Variants in NRG1 observed in about 807,000 individuals in gnomAD.
NRG1 encodes pro-neuregulin-1, membrane-bound isoform.
Under a neutral mutation model 63.8 loss-of-function variants are expected in NRG1, and 18 were observed. The observed-to-expected ratio is 0.28, with a 90% confidence interval of 0.19 to 0.42. NRG1 has a LOEUF of 0.42. Among genes scored for constraint, NRG1 ranks in the 10% least tolerant of loss-of-function variants. The pLI is 1.00. For synonymous variants in NRG1, 302 were observed against 301.3 expected (o/e 1.00, Z -0.02); for missense variants, 762 against 814.7 (o/e 0.94, Z 0.79).
intron 1 of NRG1, among the ~76,000 whole-genome samples, chr8:32,372,707 G>C (rs1809071992): frequency 6.6e-6 from 1 of 152,180 alleles, no homozygotes; most frequent in Non-Finnish European, 1.5e-5. Context: ...GGAGAAGTCA[G>C]CCCTCCCAAC....
At chr8:31,984,545 G>T (rs1389017068) in intron 1 of NRG1, among the ~76,000 whole-genome samples, 1 of 152,074 alleles carries the variant, frequency 6.6e-6, no homozygotes, top group African/African-American at 2.4e-5. Context: ...ATGAGGAACT[G>T]CTAGGTTAGA....
At chr8:32,291,533 C>CTTTTTTTTTT (rs757839225) in intron 1 of NRG1, among the ~76,000 whole-genome samples, 2 of 98,038 alleles carry the variant, frequency 2.0e-5, no homozygotes, top group African/African-American at 7.9e-5. Context: ...TTTTTATCCA[C>CTTTTTTTTTT]TTTTTTTTTT....
intron 1 of NRG1, among the ~76,000 whole-genome samples, chr8:31,649,933 CT>C (rs1237364120): frequency 3.3e-5 from 5 of 152,286 alleles, no homozygotes; most frequent in African/African-American, 1.2e-4. Flanking sequence ...CCCCAATCCC[CT>C]TCTAATCAGT....
chr8:32,065,555 T>C (rs942630442), intron 1 of NRG1, among the ~76,000 whole-genome samples: 4 of 152,242 alleles, frequency 2.6e-5, no homozygotes, highest in Non-Finnish European at 5.9e-5. Flanking sequence ...ATGGTGTATA[T>C]ATGCCACATT....
chr8:31,693,475 C>T (rs1809738399), intron 1 of NRG1, among the ~76,000 whole-genome samples: 1 of 149,618 alleles, frequency 6.7e-6, no homozygotes, highest in Non-Finnish European at 1.5e-5. Context: ...CCTCGTTTTA[C>T]AGTTATTTCT....
At chr8:32,367,226 AGTGGTT>A (rs1808187894) in intron 1 of NRG1, among the ~76,000 whole-genome samples, 1 of 152,180 alleles carries the variant, frequency 6.6e-6, no homozygotes, top group Non-Finnish European at 1.5e-5. Flanking sequence ...TATTTTCTAC[AGTGGTT>A]GTACTAATTT....
chr8:32,452,401 A>C (rs1222476417), intron 1 of NRG1, among the ~76,000 whole-genome samples: 1 of 152,166 alleles, frequency 6.6e-6, no homozygotes, highest in African/African-American at 2.4e-5. Context: ...TATGAAATAA[A>C]AAAAGAGGAA....
intron 5 of NRG1, among the ~76,000 whole-genome samples, chr8:32,673,407 G>A (rs1309259506): frequency 2.6e-5 from 4 of 152,062 alleles, no homozygotes; most frequent in African/African-American, 9.7e-5. Flanking sequence ...TATCTATAGT[G>A]GAATCGATTA....
chr8:32,773,013 C>T (rs920218376), intron 7 of NRG1, among the ~76,000 whole-genome samples: 1 of 152,024 alleles, frequency 6.6e-6, no homozygotes, highest in Non-Finnish European at 1.5e-5. Flanking sequence ...AGTTTATAAC[C>T]CTTATCTTCC....
At chr8:31,709,700 A>C (rs1811544790) in intron 1 of NRG1, among the ~76,000 whole-genome samples, 1 of 151,970 alleles carries the variant, frequency 6.6e-6, no homozygotes, top group South Asian at 2.1e-4. Flanking sequence ...TTACTAGAAA[A>C]TTACATATCT....
chr8:32,492,423 CT>C (rs33989637), intron 1 of NRG1, among the ~76,000 whole-genome samples: 3,254 of 146,844 alleles, frequency 0.022, 63 homozygotes, highest in African/African-American at 0.052. Flanking sequence ...TCCCTTTCAT[CT>C]TTTTTTTTTT....
intron 1 of NRG1, among the ~76,000 whole-genome samples, chr8:31,834,307 G>GCACGCACACA (rs373890145): frequency 0.073 from 8,661 of 119,452 alleles, 301 homozygotes; most frequent in Middle Eastern, 0.13. Context: ...GCGCACGCGC[G>GCACGCACACA]CACACACACA....
intron 1 of NRG1, among the ~76,000 whole-genome samples, chr8:31,787,593 G>T (rs918273658): frequency 6.6e-6 from 1 of 152,176 alleles, no homozygotes; most frequent in Non-Finnish European, 1.5e-5. Flanking sequence ...TAGGATGGAA[G>T]ATGTATGAAT....
intron 1 of NRG1, among the ~76,000 whole-genome samples, chr8:31,840,787 G>C (rs1443405126): frequency 6.6e-6 from 1 of 152,172 alleles, no homozygotes; most frequent in Non-Finnish European, 1.5e-5. Flanking sequence ...CTGCATGTTT[G>C]TATCACTCTG....
intron 1 of NRG1, among the ~76,000 whole-genome samples, chr8:32,592,591 G>A (rs1230608131): frequency 6.6e-6 from 1 of 152,144 alleles, no homozygotes; most frequent in Non-Finnish European, 1.5e-5. Context: ...AATGAAGACA[G>A]AAGGTGAAGA....
At chr8:31,897,867 A>C (rs1831710621) in intron 1 of NRG1, among the ~76,000 whole-genome samples, 5 of 151,702 alleles carry the variant, frequency 3.3e-5, no homozygotes, top group Non-Finnish European at 5.9e-5. Context: ...ATACAAAAAA[A>C]AAATGAGCTA....
chr8:31,795,078 C>A (rs974931532), intron 1 of NRG1, among the ~76,000 whole-genome samples: 13 of 152,158 alleles, frequency 8.5e-5, no homozygotes, highest in African/African-American at 3.1e-4. Flanking sequence ...GCTGGGATTA[C>A]AGGTATGAGC....
intron 1 of NRG1, among the ~76,000 whole-genome samples, chr8:32,594,800 G>C (rs1462583651): frequency 6.6e-6 from 1 of 152,214 alleles, no homozygotes; most frequent in Non-Finnish European, 1.5e-5. Flanking sequence ...CAATCAAAGA[G>C]AGAATTTGTT....
intron 1 of NRG1, among the ~76,000 whole-genome samples, chr8:32,595,018 C>A (rs1364525971): frequency 2.6e-5 from 4 of 152,114 alleles, no homozygotes; most frequent in Non-Finnish European, 5.9e-5. Flanking sequence ...AACTTTGTAA[C>A]CATGGATAAA....
Sources: gnomAD v4.1 joint callset for allele counts (sites outside exome capture counted in the v4.1 genomes callset) on GRCh38, gnomAD v4.1.1 for gene constraint, MANE v1.5 for transcripts, NCBI Gene and HGNC (gene_info 2026-07-23, HGNC 2026-07-21) for gene names.